PRICKLE1: variants seen among roughly 807,000 people sequenced by gnomAD.
PRICKLE1 encodes prickle-like protein 1.
PRICKLE1 carries 14 observed loss-of-function variants against 70.2 expected under a neutral mutation model. That is an observed-to-expected ratio of 0.20 (90% confidence interval 0.13 to 0.31). PRICKLE1 has a LOEUF of 0.31. Among genes scored for constraint, PRICKLE1 ranks in the 10% least tolerant of loss-of-function variants. The probability of loss-of-function intolerance (pLI) is 1.00; values close to 1 mark genes in which losing one functional copy is unlikely to be tolerated. For synonymous variants in PRICKLE1, 357 were observed against 379.9 expected (o/e 0.94, Z 0.70); for missense variants, 821 against 1,026.2 (o/e 0.80, Z 2.73).
At chr12:42,576,793 C>A (rs1940812476) in intron 1 of PRICKLE1, among the ~76,000 whole-genome samples, 1 of 152,276 alleles carries the variant, frequency 6.6e-6, no homozygotes, top group Non-Finnish European at 1.5e-5. Context: ...AGAATGTGAA[C>A]AAGACCTGAG....
At chr12:42,555,992 T>A (rs1476565240) in intron 1 of PRICKLE1, among the ~76,000 whole-genome samples, 1 of 152,224 alleles carries the variant, frequency 6.6e-6, no homozygotes, top group Non-Finnish European at 1.5e-5. Flanking sequence ...TGTAACATTA[T>A]GTATCTCTTA....
intron 1 of PRICKLE1, among the ~76,000 whole-genome samples, chr12:42,578,743 T>TTTTATTTATTTATTTA (rs10699517): frequency 0.055 from 7,977 of 146,198 alleles, 275 homozygotes; most frequent in East Asian, 0.11. Context: ...GTTTATTTCA[T>TTTTATTTATTTATTTA]TTTATTTATT....
At chr12:42,477,415 T>C (rs1291938162) in intron 1 of PRICKLE1, among the ~76,000 whole-genome samples, 1 of 133,872 alleles carries the variant, frequency 7.5e-6, no homozygotes, top group African/African-American at 2.8e-5. Flanking sequence ...ACATATTATA[T>C]ATATGTATAT....
At chr12:42,586,635 A>G (rs184641449) in intron 1 of PRICKLE1, among the ~76,000 whole-genome samples, 22 of 152,336 alleles carry the variant, frequency 1.4e-4, no homozygotes, top group African/African-American at 4.8e-4. Flanking sequence ...TTCCCATGAT[A>G]TTAGAGAGCC....
chr12:42,474,127 C>T (rs1938429797), intron 1 of PRICKLE1, among the ~76,000 whole-genome samples: 1 of 152,046 alleles, frequency 6.6e-6, no homozygotes, highest in African/African-American at 2.4e-5. Flanking sequence ...CAAAAATTAG[C>T]CAGGCGTGGT....
At chr12:42,547,916 G>T (rs1021944240) in intron 1 of PRICKLE1, among the ~76,000 whole-genome samples, 1 of 152,096 alleles carries the variant, frequency 6.6e-6, no homozygotes, top group Non-Finnish European at 1.5e-5. Context: ...GAGATATCAC[G>T]AACATGGAAC....
At chr12:42,578,907 G>A (rs1024519755) in intron 1 of PRICKLE1, among the ~76,000 whole-genome samples, 4 of 151,952 alleles carry the variant, frequency 2.6e-5, no homozygotes, top group Non-Finnish European at 4.4e-5. Context: ...GATTACAGGC[G>A]TGCACAACCA....
At chr12:42,582,108 A>C (rs1370717120) in intron 1 of PRICKLE1, among the ~76,000 whole-genome samples, 2 of 152,226 alleles carry the variant, frequency 1.3e-5, no homozygotes, top group Non-Finnish European at 2.9e-5. Context: ...ACTTGAGGAC[A>C]CGTTTTTGGC....
At chr12:42,506,774 T>C (rs1305218778) in intron 1 of PRICKLE1, among the ~76,000 whole-genome samples, 2 of 151,666 alleles carry the variant, frequency 1.3e-5, no homozygotes, top group East Asian at 1.9e-4. Flanking sequence ...TGTTTCACCA[T>C]CTTGGCCAGG....
chr12:42,460,881 GT>G (rs200726139), intron 7 of PRICKLE1, among the ~76,000 whole-genome samples: 1 of 151,784 alleles, frequency 6.6e-6, no homozygotes, highest in African/African-American at 2.4e-5. Flanking sequence ...TTTTTGTTTT[GT>G]TTTTTTGTTT....
intron 1 of PRICKLE1, among the ~76,000 whole-genome samples, chr12:42,504,595 C>T (rs1416767916): frequency 6.6e-6 from 1 of 151,956 alleles, no homozygotes; most frequent in African/African-American, 2.4e-5. Context: ...GTAACAGAAA[C>T]CAAAGTAACT....
chr12:42,514,903 A>G (rs760767612), intron 1 of PRICKLE1, among the ~76,000 whole-genome samples: 876 of 73,262 alleles, frequency 0.012, 9 homozygotes, highest in African/African-American at 0.036. Flanking sequence ...CTATCTATCT[A>G]TCTATCTATC....
At chr12:42,505,247 T>C (rs1939389111) in intron 1 of PRICKLE1, among the ~76,000 whole-genome samples, 2 of 152,212 alleles carry the variant, frequency 1.3e-5, no homozygotes, top group Non-Finnish European at 2.9e-5. Context: ...TCTGTGTGGG[T>C]AGATGGATCT....
chr12:42,527,955 A>ATATATAC (rs1939840071), intron 1 of PRICKLE1, among the ~76,000 whole-genome samples: 1 of 36,620 alleles, frequency 2.7e-5, no homozygotes, highest in Admixed American at 3.4e-4. Flanking sequence ...ATATATATAT[A>ATATATAC]TATATATATA....
chr12:42,523,702 T>C (rs1410112325), intron 1 of PRICKLE1, among the ~76,000 whole-genome samples: 4 of 152,194 alleles, frequency 2.6e-5, no homozygotes, highest in African/African-American at 9.6e-5. Flanking sequence ...AATGCAGCTA[T>C]AAACACAGTC....
At chr12:42,543,417 C>T (rs374791605) in intron 1 of PRICKLE1, among the ~76,000 whole-genome samples, 15 of 150,426 alleles carry the variant, frequency 1.0e-4, no homozygotes, top group African/African-American at 3.4e-4. Context: ...AGGCTGCACT[C>T]GAACTCCTGA....
chr12:42,505,302 G>A (rs766749917), intron 1 of PRICKLE1, among the ~76,000 whole-genome samples: 3 of 152,294 alleles, frequency 2.0e-5, no homozygotes, highest in Admixed American at 1.3e-4. Flanking sequence ...ATTCAGCAAA[G>A]GTGGAACAGT....
chr12:42,520,764 T>C (rs895408422), intron 1 of PRICKLE1, among the ~76,000 whole-genome samples: 10 of 152,244 alleles, frequency 6.6e-5, no homozygotes, highest in Non-Finnish European at 1.5e-4. Context: ...GTTGCAAATG[T>C]TACAGTCTGA....
intron 3 of PRICKLE1, 114 bp from the exon 4 acceptor site, chr12:42,469,701 G>A: frequency 1.5e-6 from 2 of 1,337,874 alleles, no homozygotes; most frequent in Non-Finnish European, 2.1e-6. Flanking sequence ...GCTCGCCTGT[G>A]TCACACCCCC....
Sources: allele counts gnomAD v4.1 joint callset (sites outside exome capture counted in the v4.1 genomes callset), GRCh38; gene constraint gnomAD v4.1.1; transcripts MANE v1.5; gene names NCBI Gene and HGNC (gene_info 2026-07-23, HGNC 2026-07-21).